Variants in PCSK4 observed in about 807,000 individuals in gnomAD.
PCSK4 encodes testicular tissue protein Li 135.
A neutral mutation model predicts 80.3 loss-of-function variants in PCSK4; 64 were observed. The observed-to-expected ratio is 0.80, with a 90% CI of 0.65 to 0.98. The LOEUF is 0.98. PCSK4 is among the 50% of genes least tolerant of loss of function. The probability of loss-of-function intolerance (pLI) is 0.00; values close to 1 mark genes in which losing one functional copy is unlikely to be tolerated. For missense variants in PCSK4, 1,213 were observed against 1,093.6 expected (o/e 1.11, Z -1.54); for synonymous variants, 561 against 487.6 (o/e 1.15, Z -1.98).
intron 6 of PCSK4, 41 bp downstream of exon 6, chr19:1,487,562 C>A (rs62128466): frequency 1.9e-5 from 29 of 1,499,352 alleles, no homozygotes; most frequent in Non-Finnish European, 2.3e-5. Context: ...ACCCCCTTCC[C>A]TCTCTGTCCC....
chr19:1,487,779 G>A lies in PCSK4; in HGVS notation c.593+6C>T, dbSNP rs749705156. On this transcript the variant is annotated splice_donor_region_variant and intron_variant, in intron 5 of 14. Coordinates refer to ENST00000300954, the Ensembl canonical transcript of PCSK4. ...TTCCCCCGTGTGCTGTGGGAGCCCT[G>A]CTCACCGGTTCTCTTTGCTGGGGGT... The A allele has an allele frequency of 1.3e-6, 2 of 1,570,596 alleles. No individual in the cohort carries two copies. The highest frequency in any genetic ancestry group is 1.2e-5 in the South Asian group (1 of 86,618).
chr19:1,483,018 G>A (rs754132017), exon 13 of PCSK4: 5 of 1,543,700 alleles, frequency 3.2e-6, no homozygotes, highest in Non-Finnish European at 4.4e-6. Flanking sequence ...GACGTCCAAG[G>A]GTCTGGGACA....
At chr19:1,489,759 C>G (rs964795137) in intron 2 of PCSK4, 34 bp downstream of exon 2, 12 of 1,581,802 alleles carry the variant, frequency 7.6e-6, no homozygotes, top group African/African-American at 2.7e-5. Flanking sequence ...AGCTGAGACC[C>G]CGGGCAGGGG....
upstream of PCSK4, chr19:1,490,463 CA>C (rs1297156295): frequency 1.9e-6 from 1 of 538,594 alleles, no homozygotes; most frequent in East Asian, 3.3e-5. Flanking sequence ...CTTCGACTCC[CA>C]GGGGGCCTTG....
At chr19:1,490,476 G>A (rs924960077), upstream of PCSK4, 1 of 531,774 alleles carries the variant, frequency 1.9e-6, no homozygotes, top group Non-Finnish European at 3.3e-6. Flanking sequence ...GGGGCCTTGC[G>A]GCTACTCAGC....
At chr19:1,483,807 G>A (rs1157094046) in intron 10 of PCSK4, 31 bp downstream of exon 10, 4 of 1,504,116 alleles carry the variant, frequency 2.7e-6, no homozygotes, top group African/African-American at 1.4e-5. Context: ...CGTGGGCCCC[G>A]GGTCCCCGCC....
intron 8 of PCSK4, 22 bp downstream of exon 8, chr19:1,486,831 C>A: frequency 6.3e-7 from 1 of 1,577,988 alleles, no homozygotes; most frequent in East Asian, 2.3e-5. Context: ...GGAGGGGACC[C>A]TGTTGGGGCG....
chr19:1,486,922 C>A, exon 8 of PCSK4: 1 of 1,604,532 alleles, frequency 6.2e-7, no homozygotes, highest in East Asian at 2.2e-5. Flanking sequence ...CTTCGCTGTA[C>A]CAGGGCACGC....
In PCSK4 at chr19:1,482,343, C is replaced by T. The variant is rs780188506; in HGVS notation, c.1819+10G>A. 44 of 1,538,728 alleles carry T rather than the reference C, an allele frequency of 2.9e-5. No individual in the cohort carries two copies. Among genetic ancestry groups the T allele is most frequent in the Middle Eastern group, 2.2e-4 (1 of 4,464 alleles). On this transcript the variant is annotated intron_variant, in intron 14 of 14. Transcript: ENST00000300954. ...CTCCCAGCAGTGGGCCCTGCCCCGC[C>T]GGCACTCACCCTGGCACAGCCCCTC...
exon 15 of PCSK4, chr19:1,481,770 C>T: frequency 1.3e-6 from 2 of 1,509,460 alleles, no homozygotes; most frequent in Non-Finnish European, 1.8e-6. Flanking sequence ...CAGGTTCCAG[C>T]TGGCAGCCAG....
chr19:1,487,741 C>T (rs201540340), intron 5 of PCSK4, 44 bp downstream of exon 5: 77 of 1,545,654 alleles, frequency 5.0e-5, no homozygotes, highest in Middle Eastern at 3.4e-4. Flanking sequence ...ATCCCCCTGC[C>T]GGGTACTGGG....
At chr19:1,483,887 C>T (rs2084457705) in exon 10 of PCSK4, 3 of 1,492,544 alleles carry the variant, frequency 2.0e-6, no homozygotes, top group South Asian at 1.3e-5. Flanking sequence ...GCAGGTGCGC[C>T]GGCTTGGACG....
intron 13 of PCSK4, 69 bp from the exon 14 acceptor site, chr19:1,482,544 C>T (rs1050325877): frequency 5.8e-6 from 9 of 1,543,072 alleles, no homozygotes; most frequent in Admixed American, 3.6e-5. Flanking sequence ...TGGTAGTCCC[C>T]GGGCTCCCTC....
chr19:1,483,579 G>A (rs990500554), intron 11 of PCSK4, 71 bp downstream of exon 11: 6 of 1,434,282 alleles, frequency 4.2e-6, no homozygotes, highest in Non-Finnish European at 4.7e-6. Context: ...TTACAGATGG[G>A]TAAACTGAGG....
At chr19:1,486,437 C>T (rs2084614423) in intron 8 of PCSK4, among the ~76,000 whole-genome samples, 1 of 152,134 alleles carries the variant, frequency 6.6e-6, no homozygotes, top group African/African-American at 2.4e-5. Flanking sequence ...GCTGGGACTA[C>T]AGGCGCCCAC....
At chr19:1,483,724 C>G (rs764127327) in exon 11 of PCSK4, 2 of 1,595,458 alleles carry the variant, frequency 1.3e-6, no homozygotes, top group Non-Finnish European at 1.7e-6. Flanking sequence ...CGGTGTCCAC[C>G]AGCAGCCCGG....
chr19:1,483,484 G>T, intron 11 of PCSK4, 21 bp from the exon 12 acceptor site: 1 of 1,548,420 alleles, frequency 6.5e-7, no homozygotes, highest in Non-Finnish European at 8.7e-7. Context: ...CGAGGGGTGA[G>T]GACCCTCCTG....
chr19:1,489,702 A>G (rs2145444165), intron 2 of PCSK4, 91 bp downstream of exon 2: 1 of 1,525,456 alleles, frequency 6.6e-7, no homozygotes, highest in East Asian at 2.5e-5. Flanking sequence ...ACAGCTGTTC[A>G]TAACAACCAC....
chr19:1,484,667 C>A (rs1202457202), intron 8 of PCSK4, among the ~76,000 whole-genome samples: 1 of 151,302 alleles, frequency 6.6e-6, no homozygotes, highest in African/African-American at 2.4e-5. Context: ...AAAAAATTAC[C>A]CGGGTATGGT....
Sources: allele counts gnomAD v4.1 joint callset (sites outside exome capture counted in the v4.1 genomes callset), GRCh38; gene constraint gnomAD v4.1.1; transcripts MANE v1.5; gene names NCBI Gene and HGNC (gene_info 2026-07-23, HGNC 2026-07-21).